Variants in LYZL6 observed in about 807,000 individuals in gnomAD.
LYZL6 encodes the protein lysozyme like 6.
In LYZL6, 21 loss-of-function variants were observed where a neutral mutation model predicts 15.0. That is an observed-to-expected ratio of 1.40 (90% CI 1.00 to 2.02). The LOEUF is 2.02. Among genes scored for constraint, LYZL6 ranks in the 30% most tolerant of loss-of-function variants. LYZL6 has a pLI of 0.00. For synonymous variants in LYZL6, 72 were observed against 67.8 expected (o/e 1.06, Z -0.31); for missense variants, 173 against 180.5 (o/e 0.96, Z 0.24).
intron 3 of LYZL6, 87 bp from the exon 4 acceptor site, chr17:35,936,920 A>G (rs2089379212): frequency 8.5e-6 from 10 of 1,182,552 alleles, no homozygotes; most frequent in African/African-American, 1.5e-5. Flanking sequence ...GGACAGCCCT[A>G]TGCCACCTAG....
At chr17:35,936,382 G>A (rs1163420489) in intron 4 of LYZL6, among the ~76,000 whole-genome samples, 3 of 152,214 alleles carry the variant, frequency 2.0e-5, no homozygotes, top group African/African-American at 2.4e-5. Context: ...TCTGCGGAGA[G>A]AGAAGTGAAG....
rs768776344 is a variant in LYZL6, at chr17:35,939,348, C to G, written c.9G>C (p.Lys3Asn). Reference sequence around the variant, plus strand: ...TGCTGACCAAATAGATGAGTAGCGCCTTTGTCATCCTTGGAGGGGAGGAGG... The same window carrying G: ...TGCTGACCAAATAGATGAGTAGCGCGTTTGTCATCCTTGGAGGGGAGGAGG... MT[K>N]ALLIYLVSSF... is the part of the protein sequence containing the mutation. The change falls in exon 2 of 5, where the codon AAG becomes AAC. Residue 3 changes from lysine to asparagine, a missense_variant. By Grantham distance (94) the Lys-to-Asn change is moderately conservative (BLOSUM62 0). Transcript: ENST00000615905. 1.2e-6 allele frequency: 2 copies of G among 1,614,046 alleles called. No individual in the cohort carries two copies. Among genetic ancestry groups the G allele is most frequent in the Non-Finnish European group, 8.5e-7 (1 of 1,179,962 alleles).
In LYZL6 at chr17:35,936,786, T is replaced by A; in HGVS notation, c.346A>T (p.Ile116Phe). Reference protein sequence around the residue: ...LLAGIHCAKRIVSGARGMNNW... With the variant: ...LLAGIHCAKRFVSGARGMNNW... The stretch of plus-strand genomic sequence containing the variant: ...TTCATCCCCCGTGCTCCGGACACAA[T>A]CCTTTTTGCGCAGTGGATGCCTGCA... The change falls in exon 4 of 5, where the codon ATT becomes TTT. Residue 116 changes from isoleucine to phenylalanine, a missense_variant. Physicochemically the swap from Ile to Phe is conservative, Grantham distance 21 (BLOSUM62 0). Transcript: ENST00000615905. 6.2e-7 allele frequency: 1 copy of A among 1,613,894 alleles called. No homozygotes were observed. Among genetic ancestry groups the A allele is most frequent in the South Asian group, 1.1e-5 (1 of 91,084 alleles).
rs1259800344 is a variant in LYZL6, at chr17:35,937,911, A to T, written c.145T>A (p.Cys49Ser). The T allele has an allele frequency of 6.2e-7, 1 of 1,613,666 alleles. No homozygotes were observed. Reference protein sequence around the residue: ...FEGYSLSDWLCLAFVESKFNI... With the variant: ...FEGYSLSDWLSLAFVESKFNI... ...AACTTGCTTTCCACAAAAGCCAGGC[A>T]CAGCCCTTAGAGTAGGGAGAAGAAG... Residue 49 changes from cysteine to serine, a missense_variant, in exon 3 of 5, where the codon TGC (cysteine) becomes AGC (serine). Coordinates refer to ENST00000615905, the MANE Select transcript of LYZL6 (RefSeq NM_020426.4).
intron 4 of LYZL6, 109 bp from the exon 5 acceptor site, chr17:35,934,974 C>T (rs2089358319): frequency 3.1e-6 from 3 of 955,904 alleles, no homozygotes; most frequent in South Asian, 2.9e-5. Flanking sequence ...GAATCCCCGT[C>T]ATTGCTAGCT....
Position 35,938,573 on chromosome 17 carries a change from G to A in LYZL6, c.139+645C>T, listed in dbSNP as rs149853375. Among the ~76,000 whole-genome samples the A allele has an allele frequency of 7.3e-3, 1,091 of 149,732 alleles. 19 individuals carry two copies. Among genetic ancestry groups the A allele is most frequent in the African/African-American group, 0.024 (994 of 40,612 alleles). ...GCAGAGCTTGCAGTGAGCCAAGATC[G>A]CGCCACTACACTCCAGCCTGGGTGA... On this transcript the variant is annotated intron_variant, in intron 2 of 4. Coordinates refer to ENST00000615905, the MANE Select transcript of LYZL6 (RefSeq NM_020426.4).
chr17:35,938,103 G>C (rs1302656578), intron 2 of LYZL6, among the ~76,000 whole-genome samples, 187 bp from the exon 3 acceptor site: 1 of 152,180 alleles, frequency 6.6e-6, no homozygotes, highest in Non-Finnish European at 1.5e-5. Context: ...CCACTCATAA[G>C]TACAATTACT....
chr17:35,937,682 T>G (rs371868001), intron 3 of LYZL6, 76 bp downstream of exon 3: 1 of 1,497,206 alleles, frequency 6.7e-7, no homozygotes, highest in African/African-American at 1.4e-5. Context: ...TCCCAGGCTG[T>G]GGGTGGGAAG....
intron 2 of LYZL6, 27 bp downstream of exon 2, chr17:35,939,191 G>T: frequency 6.2e-7 from 1 of 1,605,844 alleles, no homozygotes; most frequent in Non-Finnish European, 8.5e-7. Context: ...GAGGAGAAAT[G>T]GCTGGGGAGG....
chr17:35,938,229 A>G (rs1053656624), intron 2 of LYZL6, among the ~76,000 whole-genome samples: 23 of 152,220 alleles, frequency 1.5e-4, no homozygotes, highest in African/African-American at 5.3e-4. Context: ...GCTGCCTTCA[A>G]GGGGCCTGTA....
chr17:35,936,940 G>C, intron 3 of LYZL6, 107 bp from the exon 4 acceptor site: 1 of 945,602 alleles, frequency 1.1e-6, no homozygotes, highest in Middle Eastern at 2.2e-4. Flanking sequence ...GAGGCTTCCA[G>C]TTGAGGCAAA....
chr17:35,939,700 G>A (rs2089410344), intron 1 of LYZL6, 142 bp from the exon 2 acceptor site: 1 of 162,888 alleles, frequency 6.1e-6, no homozygotes, highest in African/African-American at 2.4e-5. Context: ...GTCTCACTCT[G>A]TTGACCAGGC....
chr17:35,939,969 T>C (rs1019060161), intron 1 of LYZL6, among the ~76,000 whole-genome samples: 30 of 152,158 alleles, frequency 2.0e-4, no homozygotes, highest in African/African-American at 7.0e-4. Flanking sequence ...GGACACTGGG[T>C]GCTAATCTCC....
chr17:35,936,256 C>T (rs1490576057), intron 4 of LYZL6, among the ~76,000 whole-genome samples: 1 of 152,242 alleles, frequency 6.6e-6, no homozygotes, highest in African/African-American at 2.4e-5. Flanking sequence ...CAATCAGATT[C>T]TCTATCCCAG....
At chr17:35,940,518 T>C (rs1056114544) in intron 1 of LYZL6, among the ~76,000 whole-genome samples, 1 of 152,264 alleles carries the variant, frequency 6.6e-6, no homozygotes, top group African/African-American at 2.4e-5. Flanking sequence ...TATTGAGATA[T>C]AATTCATGTA....
chr17:35,936,716 TG>T, intron 4 of LYZL6, 38 bp downstream of exon 4: 1 of 1,582,342 alleles, frequency 6.3e-7, no homozygotes. Flanking sequence ...TCCTCCTTCG[TG>T]GGGCTCTGCC....
At position 35,940,412 on chromosome 17, in the gene LYZL6, C is replaced by T. The variant is rs117777138; in HGVS notation, c.-202-854G>A. Among the ~76,000 whole-genome samples, 47 of 152,086 alleles carry T rather than the reference C, an allele frequency of 3.1e-4. 1 individual carries two copies. The East Asian group carries it at 8.9e-3, about 29-fold the overall frequency. The stretch of plus-strand genomic sequence containing the variant: ...CTGTACAAGAAATTTAAAAAGTGCT[C>T]GAAATATGTATTGGGGCATGTCAAA... On this transcript the variant is annotated intron_variant, in intron 1 of 4. Transcript: ENST00000615905.
intron 4 of LYZL6, among the ~76,000 whole-genome samples, chr17:35,935,817 AT>A (rs762873820): frequency 5.8e-3 from 694 of 118,996 alleles, no homozygotes; most frequent in Non-Finnish European, 5.3e-3. Flanking sequence ...CAGCCGCCAC[AT>A]TTTTTTTTTT....
intron 3 of LYZL6, 114 bp downstream of exon 3, chr17:35,937,644 A>AT (rs1166185180): frequency 8.2e-7 from 1 of 1,215,392 alleles, no homozygotes; most frequent in Non-Finnish European, 1.2e-6. Context: ...GGATTCCCTG[A>AT]TTTTTTGAAC....
Sources: allele counts gnomAD v4.1 joint callset (sites outside exome capture counted in the v4.1 genomes callset), GRCh38; gene constraint gnomAD v4.1.1; transcripts MANE v1.5; gene names NCBI Gene and HGNC (gene_info 2026-07-23, HGNC 2026-07-21).